The following FHIT variants were observed in gnomAD, a reference collection of about 807,000 sequenced individuals.
FHIT encodes the protein bis(5'-adenosyl)-triphosphatase.
FHIT carries 19 observed loss-of-function variants against 17.9 expected under a neutral mutation model. The observed-to-expected ratio is 1.06, with a 90% CI of 0.74 to 1.56. FHIT has a LOEUF of 1.56. Among genes scored for constraint, FHIT ranks in the 40% most tolerant of loss-of-function variants. FHIT has a pLI of 0.00. For synonymous variants in FHIT, 81 were observed against 69.7 expected (o/e 1.16, Z -0.81); for missense variants, 248 against 189.2 (o/e 1.31, Z -1.82).
At chr3:60,125,370 G>A (rs1011698944) in intron 5 of FHIT, among the ~76,000 whole-genome samples, 13 of 152,270 alleles carry the variant, frequency 8.5e-5, no homozygotes, top group African/African-American at 2.4e-4. Flanking sequence ...AGTGGCTTAC[G>A]CCTGTAATTC....
intron 4 of FHIT, among the ~76,000 whole-genome samples, chr3:60,742,457 G>C (rs2042258968): frequency 1.3e-5 from 2 of 152,134 alleles, no homozygotes; most frequent in African/African-American, 2.4e-5. Flanking sequence ...CTGATTAAAA[G>C]TCTCTCCCAA....
intron 2 of FHIT, among the ~76,000 whole-genome samples, chr3:61,112,289 A>G (rs1479053535): frequency 6.6e-6 from 1 of 150,984 alleles, no homozygotes; most frequent in Non-Finnish European, 1.5e-5. Flanking sequence ...TAAAATGAAA[A>G]TCTGTGCCTG....
At chr3:60,445,874 A>C (rs1000851691) in intron 5 of FHIT, among the ~76,000 whole-genome samples, 1 of 152,134 alleles carries the variant, frequency 6.6e-6, no homozygotes, top group Non-Finnish European at 1.5e-5. Context: ...AGAAAATGTG[A>C]AACTGTAATA....
At chr3:59,933,216 C>T (rs759849330) in intron 7 of FHIT, among the ~76,000 whole-genome samples, 7 of 152,056 alleles carry the variant, frequency 4.6e-5, no homozygotes, top group Non-Finnish European at 8.8e-5. Flanking sequence ...GTAAATAAAT[C>T]CCCCAAATTC....
chr3:59,929,362 G>GTTTTTT (rs1559740305), intron 7 of FHIT, among the ~76,000 whole-genome samples: 24 of 92,024 alleles, frequency 2.6e-4, no homozygotes, highest in Non-Finnish European at 4.4e-4. Flanking sequence ...TTGTTTTTTT[G>GTTTTTT]GTTTTTTTTT....
intron 5 of FHIT, among the ~76,000 whole-genome samples, chr3:60,427,554 C>T (rs1026939550): frequency 3.9e-5 from 6 of 152,092 alleles, no homozygotes; most frequent in African/African-American, 1.4e-4. Flanking sequence ...CAATAGCAAT[C>T]TCCCGTACCC....
At chr3:60,602,334 C>A (rs1324415641) in intron 4 of FHIT, among the ~76,000 whole-genome samples, 1 of 152,144 alleles carries the variant, frequency 6.6e-6, no homozygotes, top group African/African-American at 2.4e-5. Flanking sequence ...CTCACACTTT[C>A]TACAGCAACA....
At chr3:59,772,514 C>A (rs1702118225) in intron 8 of FHIT, among the ~76,000 whole-genome samples, 1 of 152,186 alleles carries the variant, frequency 6.6e-6, no homozygotes, top group South Asian at 2.1e-4. Flanking sequence ...CCATTTCAGA[C>A]ATGAGGAAGC....
chr3:59,937,833 A>G (rs772190929), intron 7 of FHIT, among the ~76,000 whole-genome samples: 13 of 152,186 alleles, frequency 8.5e-5, no homozygotes, highest in Non-Finnish European at 1.5e-4. Flanking sequence ...CTCTTGGTAC[A>G]TATGCTTTGT....
chr3:59,934,407 G>C (rs1706127960), intron 7 of FHIT, among the ~76,000 whole-genome samples: 1 of 152,100 alleles, frequency 6.6e-6, no homozygotes, highest in Non-Finnish European at 1.5e-5. Context: ...ATGACAGTAA[G>C]CTCTTCTGCA....
intron 5 of FHIT, among the ~76,000 whole-genome samples, chr3:60,141,453 C>T (rs982692824): frequency 1.3e-5 from 2 of 148,882 alleles, no homozygotes; most frequent in South Asian, 2.1e-4. Context: ...AAAATCAAAG[C>T]GAGAAAGTCC....
intron 5 of FHIT, among the ~76,000 whole-genome samples, chr3:60,185,182 T>C (rs917797615): frequency 6.6e-6 from 1 of 152,158 alleles, no homozygotes; most frequent in Non-Finnish European, 1.5e-5. Context: ...AAATGTACCC[T>C]GGTTTTAGTA....
intron 3 of FHIT, among the ~76,000 whole-genome samples, chr3:60,967,915 TCGC>T (rs1709827846): frequency 6.6e-6 from 1 of 152,216 alleles, no homozygotes; most frequent in Non-Finnish European, 1.5e-5. Flanking sequence ...ATATGCTAAT[TCGC>T]CACTACAATT....
chr3:60,875,011 T>C (rs1553756056), intron 3 of FHIT, among the ~76,000 whole-genome samples: 1 of 152,140 alleles, frequency 6.6e-6, no homozygotes. Flanking sequence ...ATAGAGAATA[T>C]TTTTAAAATG....
intron 2 of FHIT, among the ~76,000 whole-genome samples, chr3:61,154,982 G>C (rs11130819): frequency 0.24 from 36,651 of 152,086 alleles, 4,905 homozygotes; most frequent in East Asian, 0.44. Context: ...CCCTGCCAAG[G>C]CACTGCCAAA....
At chr3:59,790,868 T>C (rs1699526733) in intron 8 of FHIT, among the ~76,000 whole-genome samples, 1 of 152,216 alleles carries the variant, frequency 6.6e-6, no homozygotes. Flanking sequence ...TTTTTTTTAA[T>C]GAATGAATGA....
chr3:60,294,407 T>A (rs764601453), intron 5 of FHIT, among the ~76,000 whole-genome samples: 2 of 152,092 alleles, frequency 1.3e-5, no homozygotes, highest in East Asian at 3.9e-4. Flanking sequence ...CCAGGAAATA[T>A]GAAGAACGTG....
chr3:60,916,453 T>C (rs1418025281), intron 3 of FHIT, among the ~76,000 whole-genome samples: 1 of 152,222 alleles, frequency 6.6e-6, no homozygotes, highest in African/African-American at 2.4e-5. Context: ...ACTGATCCTT[T>C]CTCTCTTAAA....
At chr3:59,975,668 G>A (rs534538950) in intron 7 of FHIT, among the ~76,000 whole-genome samples, 14 of 152,094 alleles carry the variant, frequency 9.2e-5, no homozygotes, top group South Asian at 2.1e-4. Flanking sequence ...AGTAAGAAGC[G>A]TTACAGGAAG....
Sources: allele counts gnomAD v4.1 joint callset (sites outside exome capture counted in the v4.1 genomes callset), GRCh38; gene constraint gnomAD v4.1.1; transcripts MANE v1.5; gene names NCBI Gene and HGNC (gene_info 2026-07-23, HGNC 2026-07-21).